Variants in DHDDS observed in about 807,000 individuals in gnomAD.
The protein encoded by DHDDS is dehydrodolichyl diphosphate synthase subunit, also known as dehydrodolichyl diphosphate synthase complex subunit DHDDS.
DHDDS carries 16 observed loss-of-function variants against 46.2 expected under a neutral mutation model. The ratio of observed to expected loss-of-function variants is 0.35; its 90% CI spans 0.23 to 0.53. DHDDS has a LOEUF of 0.53. Among genes scored for constraint, DHDDS ranks in the 20% least tolerant of loss-of-function variants. DHDDS has a pLI of 0.94. For synonymous variants in DHDDS, 151 were observed against 163.1 expected (o/e 0.93, Z 0.56); for missense variants, 340 against 423.7 (o/e 0.80, Z 1.73).
chr1:26,463,791 C>T (rs998271994), intron 8 of DHDDS, among the ~76,000 whole-genome samples: 3 of 152,048 alleles, frequency 2.0e-5, no homozygotes, highest in Non-Finnish European at 4.4e-5. Flanking sequence ...CAGGCGTGAA[C>T]CACCGCGACC....
chr1:26,453,980 G>A lies in DHDDS; in HGVS notation c.543-3811G>A, dbSNP rs12041615. ...CCTTTTTTTTTGTTTTTGAGATGGA[G>A]TCTTGCTCTGTCACCCAGGCTGGAG... is the stretch of plus-strand genomic sequence containing the variant. On this transcript the variant is annotated intron_variant, in intron 6 of 8. Coordinates refer to ENST00000236342, the MANE Select transcript of DHDDS (RefSeq NM_205861.3). 2.4e-3 allele frequency among the ~76,000 whole-genome samples: 368 copies of A among 151,686 alleles called. 11 individuals carry two copies. In the East Asian group the frequency reaches 0.066, roughly 27 times the overall value.
intron 8 of DHDDS, among the ~76,000 whole-genome samples, chr1:26,465,285 C>A (rs1272938624): frequency 6.6e-6 from 1 of 152,204 alleles, no homozygotes; most frequent in African/African-American, 2.4e-5. Context: ...CTGGATTGAA[C>A]ATTATATTTC....
chr1:26,438,104 T>G, intron 2 of DHDDS, 64 bp from the exon 3 acceptor site: 4 of 1,533,836 alleles, frequency 2.6e-6, no homozygotes, highest in Non-Finnish European at 3.6e-6. Flanking sequence ...CCTTGGGGTG[T>G]AGTGTCTTCC....
chr1:26,459,454 A>C (rs952907992), intron 7 of DHDDS, among the ~76,000 whole-genome samples: 1 of 152,236 alleles, frequency 6.6e-6, no homozygotes, highest in African/African-American at 2.4e-5. Flanking sequence ...ATCTCATTTA[A>C]TCTAAACAGT....
intron 3 of DHDDS, among the ~76,000 whole-genome samples, chr1:26,441,923 A>C (rs1434385786): frequency 6.7e-6 from 1 of 150,248 alleles, no homozygotes; most frequent in Middle Eastern, 3.2e-3. Flanking sequence ...AAGATGTAGG[A>C]CATTTCCATC....
chr1:26,457,365 C>T (rs1054627165), intron 6 of DHDDS, among the ~76,000 whole-genome samples: 2 of 150,148 alleles, frequency 1.3e-5, no homozygotes, highest in African/African-American at 2.4e-5. Flanking sequence ...CCCAGCTACT[C>T]GGGAGGCTGA....
chr1:26,443,058 A>C (rs202080021), intron 4 of DHDDS, 185 bp downstream of exon 4: 1 of 433,678 alleles, frequency 2.3e-6, no homozygotes, highest in Non-Finnish European at 3.5e-6. Flanking sequence ...CTAACTTTTT[A>C]ATAAAAAAGG....
chr1:26,466,730 T>C (rs541044594), intron 8 of DHDDS, among the ~76,000 whole-genome samples: 23 of 152,344 alleles, frequency 1.5e-4, no homozygotes, highest in African/African-American at 5.0e-4. Flanking sequence ...CCCCATCCTT[T>C]CTGTTCTGCC....
intron 6 of DHDDS, chr1:26,455,120 C>G: frequency 1.3e-6 from 1 of 787,692 alleles, no homozygotes; most frequent in Non-Finnish European, 2.3e-6. Context: ...AAAGTAAACA[C>G]GAAGATTGGA....
At chr1:26,433,974 T>TCTGC in intron 2 of DHDDS, among the ~76,000 whole-genome samples, 2 of 152,182 alleles carry the variant, frequency 1.3e-5, no homozygotes, top group African/African-American at 2.4e-5. Flanking sequence ...CCTCAGGTGA[T>TCTGC]CCACCTATCT....
intron 4 of DHDDS, among the ~76,000 whole-genome samples, chr1:26,443,805 G>A (rs888911320): frequency 2.6e-5 from 4 of 152,164 alleles, no homozygotes; most frequent in Non-Finnish European, 2.9e-5. Flanking sequence ...CTAAGGAGCC[G>A]GGGATGGAGG....
intron 6 of DHDDS, among the ~76,000 whole-genome samples, chr1:26,449,900 A>G (rs1313904991): frequency 6.6e-6 from 1 of 152,184 alleles, no homozygotes; most frequent in Non-Finnish European, 1.5e-5. Flanking sequence ...GCCCTTCACC[A>G]TGCTAGGTAA....
At position 26,459,480 on chromosome 1, in the gene DHDDS, T is replaced by G. The variant is rs528705926; in HGVS notation, c.658-557T>G. Among the ~76,000 whole-genome samples, 3 of 152,350 alleles carry G rather than the reference T, an allele frequency of 2.0e-5. No homozygotes were observed. In the South Asian group the frequency reaches 6.2e-4, roughly 32 times the overall value. The stretch of plus-strand genomic sequence containing the variant: ...TCTAAACAGTACCCTGAAAATTAGG[T>G]ATTCCTATTATCCAGTTTTACATTT... On this transcript the variant is annotated intron_variant, in intron 7 of 8. Transcript: ENST00000236342.
At chr1:26,463,358 G>C (rs1046937274) in intron 8 of DHDDS, 7 of 152,120 alleles carry the variant, frequency 4.6e-5, no homozygotes, top group African/African-American at 1.7e-4. Context: ...CCCAGAGAAA[G>C]GAATTAATTC....
rs754564043 is a variant in DHDDS, at chr1:26,442,842, C to T, written c.292C>T (p.Arg98Trp). The T allele has an allele frequency of 5.4e-5, 87 of 1,613,942 alleles. No individual in the cohort carries two copies. The highest frequency in any genetic ancestry group is 7.7e-5 in the South Asian group (7 of 91,080). ...SEVDGLMDLA[R>W]QKFSRLMEEK... ...GGTAGACGGGCTTATGGATCTGGCC[C>T]GGCAGAAGTTCAGCCGCTTGATGGA... The change falls in exon 4 of 9, where the codon CGG becomes TGG. Residue 98 changes from arginine to tryptophan, a missense_variant. Around this residue, in one of 2 missense-constraint regions of DHDDS, gnomAD observed 268 missense variants for 300.3 expected, o/e 0.89. Coordinates refer to ENST00000236342, the MANE Select transcript of DHDDS (RefSeq NM_205861.3).
At chr1:26,440,927 C>CTT (rs964765345) in intron 3 of DHDDS, among the ~76,000 whole-genome samples, 3 of 142,854 alleles carry the variant, frequency 2.1e-5, no homozygotes, top group Admixed American at 7.0e-5. Context: ...AAGTTTTCTT[C>CTT]TTTTTTTTTT....
chr1:26,451,009 G>A (rs1042300664), intron 6 of DHDDS, among the ~76,000 whole-genome samples: 5 of 152,178 alleles, frequency 3.3e-5, no homozygotes, highest in African/African-American at 1.2e-4. Flanking sequence ...AGTCCAGCAT[G>A]CTTTACCCTC....
rs2075181761 is a variant in DHDDS at position 26,438,260 on chromosome 1, A to G, written c.156A>G (p.Ser52=). Residue 52 remains serine (S), a synonymous_variant, in exon 3 of 9, where the codon TCA becomes TCG. Coordinates refer to ENST00000236342, the MANE Select transcript of DHDDS (RefSeq NM_205861.3). The stretch of plus-strand genomic sequence containing the variant: ...AGGTGGAGCGGCAGGAAGGCCACTC[A>G]CAGGGCTTCAACAAGCTAGCTGAGG... ...KCQVERQEGH[S]QGFNKLAETL... 6.2e-7 allele frequency: 1 copy of G among 1,613,940 alleles called. No homozygotes were observed. Among genetic ancestry groups the G allele is most frequent in the African/African-American group, 1.3e-5 (1 of 74,956 alleles).
At chr1:26,436,250 T>G (rs75077484) in intron 2 of DHDDS, among the ~76,000 whole-genome samples, 1,878 of 152,016 alleles carry the variant, frequency 0.012, 35 homozygotes, top group African/African-American at 0.043. Flanking sequence ...TATAAAAAAA[T>G]TAGCTGGGTG....
Sources: gnomAD v4.1 joint callset for allele counts (sites outside exome capture counted in the v4.1 genomes callset) on GRCh38, gnomAD v4.1.1 for gene constraint, gnomAD v4.1.1 regional missense constraint, MANE v1.5 for transcripts, NCBI Gene and HGNC (gene_info 2026-07-23, HGNC 2026-07-21) for gene names.